RALGAPA2: variants seen among roughly 807,000 people sequenced by gnomAD.
RALGAPA2 encodes Ral GTPase activating protein catalytic subunit alpha 2.
Under a neutral mutation model 230.4 loss-of-function variants are expected in RALGAPA2, and 139 were observed. The observed-to-expected ratio is 0.60, with a 90% CI of 0.53 to 0.69. The LOEUF (loss-of-function observed/expected upper bound fraction) is 0.69, where lower values mean the gene tolerates loss of function less well. Among genes scored for constraint, RALGAPA2 ranks in the 30% least tolerant of loss-of-function variants. The pLI is 0.00. For synonymous variants in RALGAPA2, 847 were observed against 837.8 expected (o/e 1.01, Z -0.19); for missense variants, 2,163 against 2,276.0 (o/e 0.95, Z 1.01).
intron 37 of RALGAPA2, among the ~76,000 whole-genome samples, chr20:20,463,314 A>G (rs898383991): frequency 6.6e-6 from 1 of 152,192 alleles, no homozygotes; most frequent in Non-Finnish European, 1.5e-5. Context: ...AAAAATGCCA[A>G]GGGTGGGCCT....
At chr20:20,672,442 G>A (rs2068167926) in intron 3 of RALGAPA2, among the ~76,000 whole-genome samples, 1 of 152,102 alleles carries the variant, frequency 6.6e-6, no homozygotes, top group Admixed American at 6.5e-5. Context: ...AAAAATGAAC[G>A]AGGATCAAGA....
chr20:20,622,263 GA>G (rs772651491), intron 10 of RALGAPA2, among the ~76,000 whole-genome samples: 1 of 150,682 alleles, frequency 6.6e-6, no homozygotes, highest in African/African-American at 2.4e-5. Context: ...TGGAGATGCA[GA>G]AAAAAACAGG....
intron 35 of RALGAPA2, among the ~76,000 whole-genome samples, chr20:20,502,432 G>A (rs1326955002): frequency 6.6e-6 from 1 of 152,218 alleles, no homozygotes; most frequent in Non-Finnish European, 1.5e-5. Flanking sequence ...ACCGTGCTAA[G>A]CAATTTTATA....
In RALGAPA2 at chr20:20,456,423, C is replaced by T. The variant is rs368197235; in HGVS notation, c.5495+16406G>A. Among the ~76,000 whole-genome samples the T allele has an allele frequency of 4.6e-5, 7 of 152,246 alleles. No homozygotes were observed. In the South Asian group the frequency reaches 1.2e-3, roughly 27 times the overall value. On this transcript the variant is annotated intron_variant, in intron 37 of 39. Coordinates refer to ENST00000202677, the MANE Select transcript of RALGAPA2 (RefSeq NM_020343.4). The stretch of plus-strand genomic sequence containing the variant: ...GCTATGGAAGACAGAGAGAAATGTC[C>T]GTTGGCCTGTGGCCCTCCTTGGACA...
At chr20:20,667,141 C>T (rs1026645674) in intron 3 of RALGAPA2, among the ~76,000 whole-genome samples, 16 of 152,066 alleles carry the variant, frequency 1.1e-4, no homozygotes, top group Non-Finnish European at 1.9e-4. Context: ...CAAAACAATG[C>T]TACAGAGAGT....
chr20:20,526,342 G>A lies in RALGAPA2; in HGVS notation c.3603C>T (p.Ala1201=). The change falls in exon 28 of 40, where the codon GCC becomes GCT. Residue 1201 remains alanine, a synonymous_variant. Transcript: ENST00000202677. ...VTLKFPNKIV[A]QVACDVLQLL... ...ACTGAAGGACATCGCAAGCTACCTG[G>A]GCCACGATTTTGTTGGGAAACTATA... 1.3e-6 allele frequency: 2 copies of A among 1,598,960 alleles called. No homozygotes were observed. The highest frequency in any genetic ancestry group is 1.7e-6 in the Non-Finnish European group (2 of 1,175,468).
At chr20:20,513,330 G>T in intron 31 of RALGAPA2, 46 bp from the exon 32 acceptor site, 140 of 1,041,408 alleles carry the variant, frequency 1.3e-4, no homozygotes, top group Middle Eastern at 2.4e-4. Context: ...GGTGAATGAA[G>T]ATTAAAACTC....
At chr20:20,693,611 T>C (rs1366563125) in intron 1 of RALGAPA2, among the ~76,000 whole-genome samples, 1 of 152,144 alleles carries the variant, frequency 6.6e-6, no homozygotes, top group Non-Finnish European at 1.5e-5. Context: ...TTTACAGCTG[T>C]CGAATAATGT....
At chr20:20,484,674 G>T (rs1252098136) in intron 36 of RALGAPA2, among the ~76,000 whole-genome samples, 3 of 152,136 alleles carry the variant, frequency 2.0e-5, no homozygotes, top group African/African-American at 7.2e-5. Flanking sequence ...AGTGATTAGA[G>T]ATGAAAATAA....
intron 16 of RALGAPA2, among the ~76,000 whole-genome samples, chr20:20,592,124 T>C (rs929845642): frequency 2.0e-5 from 3 of 152,210 alleles, no homozygotes; most frequent in Non-Finnish European, 4.4e-5. Context: ...GTTGTTTTAA[T>C]AGCCTGCAAA....
chr20:20,526,525 G>A (rs187599442), intron 27 of RALGAPA2, among the ~76,000 whole-genome samples, 163 bp from the exon 28 acceptor site: 43 of 152,160 alleles, frequency 2.8e-4, no homozygotes, highest in African/African-American at 9.4e-4. Context: ...TTTAGACATC[G>A]TCACATCACC....
In RALGAPA2 at chr20:20,583,099, A is replaced by G; in HGVS notation, c.2658T>C (p.Asp886=). The part of the protein sequence containing the change: ...NTPTDVVADA[D]ARHWLQLSPT... Reference sequence around the variant, plus strand: ...GACTCAGTTGTAACCAATGACGGGCATCAGCATCAGCCACAACATCTGTGG... The same window carrying G: ...GACTCAGTTGTAACCAATGACGGGCGTCAGCATCAGCCACAACATCTGTGG... The change falls in exon 20 of 40, where the codon GAT becomes GAC. Residue 886 remains aspartate, a synonymous_variant. Coordinates refer to ENST00000202677, the MANE Select transcript of RALGAPA2 (RefSeq NM_020343.4). 4 of 1,613,744 alleles carry G rather than the reference A, an allele frequency of 2.5e-6. No homozygotes were observed. The highest frequency in any genetic ancestry group is 2.2e-5 in the East Asian group (1 of 44,852).
At chr20:20,558,203 G>A (rs977839386) in intron 23 of RALGAPA2, among the ~76,000 whole-genome samples, 3 of 151,930 alleles carry the variant, frequency 2.0e-5, no homozygotes, top group East Asian at 1.9e-4. Context: ...ATGGGGCTTC[G>A]CCATGTTGGC....
chr20:20,442,261 C>T (rs528645999), intron 37 of RALGAPA2, among the ~76,000 whole-genome samples: 3 of 152,324 alleles, frequency 2.0e-5, no homozygotes, highest in Non-Finnish European at 2.9e-5. Context: ...TTTATCACAT[C>T]GTACACATTG....
intron 27 of RALGAPA2, among the ~76,000 whole-genome samples, chr20:20,530,133 C>A (rs2063329307): frequency 6.6e-6 from 1 of 152,192 alleles, no homozygotes; most frequent in African/African-American, 2.4e-5. Flanking sequence ...TAAAACTCCA[C>A]ACATGTGGCC....
intron 20 of RALGAPA2, among the ~76,000 whole-genome samples, chr20:20,582,102 A>G (rs1568607019): frequency 6.6e-6 from 1 of 151,900 alleles, no homozygotes; most frequent in Non-Finnish European, 1.5e-5. Context: ...CGTTCTCATC[A>G]GCCTGGTCAA....
intron 33 of RALGAPA2, among the ~76,000 whole-genome samples, chr20:20,509,621 T>C (rs931346122): frequency 1.3e-5 from 2 of 152,132 alleles, no homozygotes; most frequent in Non-Finnish European, 2.9e-5. Flanking sequence ...TGCTTCAACA[T>C]GTATGTAGCT....
chr20:20,678,287 T>C (rs996430993), intron 2 of RALGAPA2, among the ~76,000 whole-genome samples: 1 of 152,324 alleles, frequency 6.6e-6, no homozygotes, highest in Non-Finnish European at 1.5e-5. Flanking sequence ...CAGATTATAC[T>C]AAAAGCAAAA....
chr20:20,573,175 C>T lies in RALGAPA2; in HGVS notation c.2708-107G>A. On this transcript the variant is annotated intron_variant, in intron 20 of 39. Coordinates refer to ENST00000202677, the MANE Select transcript of RALGAPA2 (RefSeq NM_020343.4). Reference sequence around the variant, plus strand: ...GGTATTCAAAGTAAAATAATTAAGGCAAAAAATGTGAAACAGCTGAGAATT... The same window carrying T: ...GGTATTCAAAGTAAAATAATTAAGGTAAAAAATGTGAAACAGCTGAGAATT... 3.0e-6 allele frequency: 3 copies of T among 997,124 alleles called. 1 individual carries two copies. Among genetic ancestry groups the T allele is most frequent in the South Asian group, 4.8e-5 (2 of 41,706 alleles). 61.8% of individuals were successfully genotyped at this position (997,124 alleles called of 1,614,324 possible).
Sources: gnomAD v4.1 joint callset for allele counts (sites outside exome capture counted in the v4.1 genomes callset) on GRCh38, gnomAD v4.1.1 for gene constraint, MANE v1.5 for transcripts, NCBI Gene and HGNC (gene_info 2026-07-23, HGNC 2026-07-21) for gene names.